Variants in SPOCK1 observed in about 807,000 individuals in gnomAD.
The protein encoded by SPOCK1 is SPARC (osteonectin), cwcv and kazal like domains proteoglycan 1.
Under a neutral mutation model 55.3 loss-of-function variants are expected in SPOCK1, and 23 were observed. The ratio of observed to expected loss-of-function variants is 0.42; its 90% CI spans 0.30 to 0.59. The LOEUF is 0.59. Among genes scored for constraint, SPOCK1 ranks in the 20% least tolerant of loss-of-function variants. The pLI is 0.22. For missense variants in SPOCK1, 499 were observed against 552.5 expected (o/e 0.90, Z 0.97); for synonymous variants, 226 against 221.0 (o/e 1.02, Z -0.20).
At chr5:137,293,515 T>C (rs1307474455) in intron 2 of SPOCK1, among the ~76,000 whole-genome samples, 8 of 152,144 alleles carry the variant, frequency 5.3e-5, no homozygotes, top group Admixed American at 5.2e-4. Context: ...GGCAGATCCC[T>C]GGGACTTACC....
intron 5 of SPOCK1, among the ~76,000 whole-genome samples, chr5:137,101,323 T>C (rs1753261237): frequency 6.6e-6 from 1 of 152,248 alleles, no homozygotes; most frequent in African/African-American, 2.4e-5. Context: ...CAATTTTACC[T>C]AATCCTTAAT....
At position 137,324,567 on chromosome 5, in the gene SPOCK1, T is replaced by C. The variant is rs181696205; in HGVS notation, c.187-57512A>G. 2.3e-3 allele frequency among the ~76,000 whole-genome samples: 351 copies of C among 152,208 alleles called. 1 individual carries two copies. The highest frequency in any genetic ancestry group is 7.2e-3 in the African/African-American group (300 of 41,524). On this transcript the variant is annotated intron_variant, in intron 2 of 10. Coordinates refer to ENST00000394945, the MANE Select transcript of SPOCK1 (RefSeq NM_004598.4). ...TTCTACTTACATGGGATATCTAAAG[T>C]AGTTAAACTTTAAAAACAAAAAGTA...
At chr5:137,058,600 G>A (rs909124182) in intron 6 of SPOCK1, among the ~76,000 whole-genome samples, 1 of 152,150 alleles carries the variant, frequency 6.6e-6, no homozygotes, top group Non-Finnish European at 1.5e-5. Context: ...ATTCTACTTG[G>A]GCAAGATAGA....
At chr5:137,429,715 C>T (rs917262555) in intron 2 of SPOCK1, among the ~76,000 whole-genome samples, 5 of 152,190 alleles carry the variant, frequency 3.3e-5, no homozygotes, top group African/African-American at 1.2e-4. Flanking sequence ...ACTCTTAATC[C>T]ACAGTTCAAT....
At chr5:137,427,286 G>A (rs1752651882) in intron 2 of SPOCK1, among the ~76,000 whole-genome samples, 1 of 152,196 alleles carries the variant, frequency 6.6e-6, no homozygotes, top group African/African-American at 2.4e-5. Context: ...CTGAAGTGGA[G>A]AGAAGCCTTT....
chr5:137,328,765 A>G (rs1758120563), intron 2 of SPOCK1, among the ~76,000 whole-genome samples: 1 of 152,238 alleles, frequency 6.6e-6, no homozygotes, highest in African/African-American at 2.4e-5. Context: ...TCACACAATC[A>G]GTACGCGGCA....
intron 3 of SPOCK1, among the ~76,000 whole-genome samples, chr5:137,213,557 C>A (rs1413269342): frequency 6.6e-6 from 1 of 152,222 alleles, no homozygotes; most frequent in African/African-American, 2.4e-5. Context: ...AGGCCAGGGT[C>A]TACCTCTAAC....
At chr5:137,381,641 T>TGTA (rs1751470518) in intron 2 of SPOCK1, among the ~76,000 whole-genome samples, 1 of 152,206 alleles carries the variant, frequency 6.6e-6, no homozygotes, top group South Asian at 2.1e-4. Flanking sequence ...TGTACCTTGG[T>TGTA]CCCTTTTAGC....
intron 3 of SPOCK1, among the ~76,000 whole-genome samples, chr5:137,203,405 T>C (rs796463347): frequency 1.3e-5 from 2 of 151,960 alleles, no homozygotes; most frequent in African/African-American, 4.8e-5. Flanking sequence ...TTCCCCAAAT[T>C]AGGGTGGCAA....
intron 2 of SPOCK1, among the ~76,000 whole-genome samples, chr5:137,432,352 C>T (rs1355204984): frequency 6.6e-6 from 1 of 152,142 alleles, no homozygotes; most frequent in East Asian, 1.9e-4. Context: ...GTAGAAACAA[C>T]CCAAGTGTCC....
At chr5:137,343,444 A>G (rs543664510) in intron 2 of SPOCK1, among the ~76,000 whole-genome samples, 1 of 152,274 alleles carries the variant, frequency 6.6e-6, no homozygotes, top group South Asian at 2.1e-4. Flanking sequence ...CTCCCATTCA[A>G]CAGTGGAAGA....
intron 2 of SPOCK1, among the ~76,000 whole-genome samples, chr5:137,322,372 T>A (rs1017670872): frequency 6.7e-6 from 1 of 148,924 alleles, no homozygotes; most frequent in Non-Finnish European, 1.5e-5. Flanking sequence ...CAAAACTCAC[T>A]GGTAAAGGTA....
chr5:137,249,540 C>G (rs1321996017), intron 3 of SPOCK1, among the ~76,000 whole-genome samples: 1 of 152,058 alleles, frequency 6.6e-6, no homozygotes, highest in African/African-American at 2.4e-5. Context: ...TAGCCAACTT[C>G]TAGAAGGATG....
chr5:137,455,859 C>T (rs1271875971), intron 2 of SPOCK1, among the ~76,000 whole-genome samples: 2 of 151,924 alleles, frequency 1.3e-5, no homozygotes, highest in African/African-American at 4.8e-5. Context: ...CAAAACTCCA[C>T]CTCTGCAAAA....
At chr5:137,423,263 T>C (rs1752540660) in intron 2 of SPOCK1, among the ~76,000 whole-genome samples, 1 of 152,174 alleles carries the variant, frequency 6.6e-6, no homozygotes, top group Non-Finnish European at 1.5e-5. Flanking sequence ...GTCTGTCTGT[T>C]CTCAGATCTC....
intron 5 of SPOCK1, among the ~76,000 whole-genome samples, chr5:137,089,054 G>T (rs1753009724): frequency 1.3e-5 from 2 of 152,164 alleles, no homozygotes; most frequent in Non-Finnish European, 2.9e-5. Context: ...TTGCAAGGGG[G>T]CTGAGCAGGA....
chr5:137,494,949 T>C (rs1462476492), intron 2 of SPOCK1, among the ~76,000 whole-genome samples: 3 of 152,240 alleles, frequency 2.0e-5, no homozygotes, highest in African/African-American at 7.2e-5. Flanking sequence ...GTTAAATGCA[T>C]GTCAGCTAAA....
In SPOCK1 at chr5:137,264,552, A is replaced by G. The variant is rs11746865; in HGVS notation, c.232+2458T>C. On this transcript the variant is annotated intron_variant, in intron 3 of 10. Coordinates refer to ENST00000394945, the MANE Select transcript of SPOCK1 (RefSeq NM_004598.4). ...CCATATTTGTCATCTGAAACTCTGA[A>G]GACACTCTTCAACAAGTTCCATTTC... is the stretch of plus-strand genomic sequence containing the variant. Among the ~76,000 whole-genome samples the G allele has an allele frequency of 7.7e-3, 1,165 of 152,230 alleles. 6 individuals are homozygous for G. The highest frequency in any genetic ancestry group is 0.02 in the Middle Eastern group (6 of 294).
chr5:137,100,678 C>T (rs542489673), intron 5 of SPOCK1, among the ~76,000 whole-genome samples: 1 of 152,278 alleles, frequency 6.6e-6, no homozygotes, highest in African/African-American at 2.4e-5. Context: ...GTCCTTACTG[C>T]TTTTGGATGA....
Sources: gnomAD v4.1 joint callset for allele counts (sites outside exome capture counted in the v4.1 genomes callset) on GRCh38, gnomAD v4.1.1 for gene constraint, MANE v1.5 for transcripts, NCBI Gene and HGNC (gene_info 2026-07-23, HGNC 2026-07-21) for gene names.